Variants in ERBB4 observed in about 807,000 individuals in gnomAD.
ERBB4 encodes erb-b2 receptor tyrosine kinase 4, also known as receptor tyrosine-protein kinase erbB-4.
Under a neutral mutation model 158.0 loss-of-function variants are expected in ERBB4, and 42 were observed. The observed-to-expected ratio is 0.27, with a 90% CI of 0.21 to 0.34. The LOEUF is 0.34. Among genes scored for constraint, ERBB4 ranks in the 10% least tolerant of loss-of-function variants. ERBB4 has a pLI of 1.00. For synonymous variants in ERBB4, 583 were observed against 558.7 expected (o/e 1.04, Z -0.61); for missense variants, 1,333 against 1,624.1 (o/e 0.82, Z 3.08).
In ERBB4 at chr2:211,849,844, G is replaced by A. The variant is rs375383946; in HGVS notation, c.422-61685C>T. Among the ~76,000 whole-genome samples, 28 of 145,182 alleles carry A rather than the reference G, an allele frequency of 1.9e-4. No homozygotes were observed. The South Asian group carries it at 6.2e-3, about 32-fold the overall frequency. ...CTGCCCAGCAAAATGCAAATGAGGT[G>A]GAGAATAGCACATTTTATGCACAAA... On this transcript the variant is annotated intron_variant, in intron 3 of 27. Transcript: ENST00000342788.
rs550953364 is a variant in ERBB4 at position 211,752,488 on chromosome 2, C to G, written c.557-1784G>C. On this transcript the variant is annotated intron_variant, in intron 4 of 27. Transcript: ENST00000342788. ...TCTTTGTGGCCAGAATACTACCTAA[C>G]TGGAAAAAAAAAAAAAAGAAAAGAA... Among the ~76,000 whole-genome samples, 128 of 101,196 alleles carry G rather than the reference C, an allele frequency of 1.3e-3. 1 individual carries two copies. The Middle Eastern group carries it at 0.048, about 38-fold the overall frequency. The allele number at this position is 101,196 out of a possible 152,430, so 66.4% of individuals were successfully genotyped here.
At chr2:212,007,013 T>C (rs550562523) in intron 2 of ERBB4, among the ~76,000 whole-genome samples, 5 of 152,146 alleles carry the variant, frequency 3.3e-5, no homozygotes, top group African/African-American at 1.2e-4. Context: ...GCTGCAGATT[T>C]GCTAAAATAT....
chr2:212,345,894 A>T (rs1560075605), intron 1 of ERBB4, among the ~76,000 whole-genome samples: 1 of 152,178 alleles, frequency 6.6e-6, no homozygotes, highest in Admixed American at 6.5e-5. Flanking sequence ...CTGGAAAATG[A>T]AGGTCAGAAA....
chr2:211,888,007 T>A (rs949323177), intron 3 of ERBB4, among the ~76,000 whole-genome samples: 4 of 152,154 alleles, frequency 2.6e-5, no homozygotes, highest in Admixed American at 2.0e-4. Context: ...ATTATAACCA[T>A]CATATAAATA....
intron 5 of ERBB4, among the ~76,000 whole-genome samples, chr2:211,748,477 C>T (rs2075036793): frequency 6.6e-6 from 1 of 152,116 alleles, no homozygotes; most frequent in Non-Finnish European, 1.5e-5. Context: ...GGAGGAACAA[C>T]ACAACAGCAG....
chr2:211,693,866 C>T (rs1346279656), intron 12 of ERBB4, among the ~76,000 whole-genome samples: 1 of 152,130 alleles, frequency 6.6e-6, no homozygotes, highest in African/African-American at 2.4e-5. Flanking sequence ...CTATGGTCCT[C>T]CCCTAGCTTC....
At chr2:211,856,591 G>A (rs1306856118) in intron 3 of ERBB4, among the ~76,000 whole-genome samples, 2 of 151,868 alleles carry the variant, frequency 1.3e-5, no homozygotes, top group Non-Finnish European at 2.9e-5. Context: ...GTTTCACCGT[G>A]TTAGCCAGGA....
chr2:211,758,486 A>G (rs1046546821), intron 4 of ERBB4, among the ~76,000 whole-genome samples: 1 of 152,224 alleles, frequency 6.6e-6, no homozygotes, highest in Non-Finnish European at 1.5e-5. Flanking sequence ...AGCATTAATT[A>G]TCACTGTTTA....
chr2:212,108,820 G>T (rs1416391793), intron 2 of ERBB4, among the ~76,000 whole-genome samples: 1 of 142,748 alleles, frequency 7.0e-6, no homozygotes, highest in African/African-American at 2.7e-5. Context: ...AGAATAAAAA[G>T]ACTTTAAAGT....
chr2:211,736,060 G>C (rs1035205237), intron 5 of ERBB4, among the ~76,000 whole-genome samples: 1 of 151,910 alleles, frequency 6.6e-6, no homozygotes, highest in Non-Finnish European at 1.5e-5. Flanking sequence ...CTGCTTGGGA[G>C]GCTGAGGCAG....
rs577632673 is a variant in ERBB4, at chr2:212,123,910, T to C, written c.234+842A>G. Reference sequence around the variant, plus strand: ...CTCCTAAGAAGTTTGTAAAGGTTACTGAAAACAAGATCAAATGTATTCTAG... The same window carrying C: ...CTCCTAAGAAGTTTGTAAAGGTTACCGAAAACAAGATCAAATGTATTCTAG... On this transcript the variant is annotated intron_variant, in intron 2 of 27. Transcript: ENST00000342788. 2.0e-5 allele frequency among the ~76,000 whole-genome samples: 3 copies of C among 152,314 alleles called. No homozygotes were observed. In the South Asian group the frequency reaches 6.2e-4, roughly 32 times the overall value.
Position 211,404,457 on chromosome 2 carries a change from C to T in ERBB4, c.3135+15984G>A, listed in dbSNP as rs1449617284. On this transcript the variant is annotated intron_variant, in intron 25 of 27. Coordinates refer to ENST00000342788, the MANE Select transcript of ERBB4 (RefSeq NM_005235.3). ...CCTGCTCTCAATATAATAGAGAGAA[C>T]AGAATCTAAATGTCTATAGGTTGGA... is the stretch of plus-strand genomic sequence containing the variant. Among the ~76,000 whole-genome samples, 4 of 152,150 alleles carry T rather than the reference C, an allele frequency of 2.6e-5. No individual in the cohort carries two copies. In the East Asian group the frequency reaches 7.7e-4, roughly 29 times the overall value.
chr2:211,451,237 T>G (rs1297560839), intron 20 of ERBB4, among the ~76,000 whole-genome samples: 1 of 152,146 alleles, frequency 6.6e-6, no homozygotes, highest in Non-Finnish European at 1.5e-5. Context: ...AGAATGGCAT[T>G]GTAAGAAGAG....
intron 20 of ERBB4, among the ~76,000 whole-genome samples, chr2:211,523,453 T>C (rs375112882): frequency 6.6e-6 from 1 of 151,506 alleles, no homozygotes; most frequent in Non-Finnish European, 1.5e-5. Context: ...CGGTGGACCC[T>C]TGCGGTGAGT....
At chr2:211,888,997 T>C (rs1362593996) in intron 3 of ERBB4, among the ~76,000 whole-genome samples, 9 of 147,620 alleles carry the variant, frequency 6.1e-5, no homozygotes, top group Admixed American at 6.0e-4. Context: ...TGCCCAGGCT[T>C]GCTTAGGTAA....
At chr2:212,127,795 G>T (rs2079988140) in intron 1 of ERBB4, among the ~76,000 whole-genome samples, 1 of 152,014 alleles carries the variant, frequency 6.6e-6, no homozygotes, top group South Asian at 2.1e-4. Flanking sequence ...GAAAGGCAAA[G>T]GGTAGAGCTA....
chr2:212,401,679 T>G (rs928590284), intron 1 of ERBB4, among the ~76,000 whole-genome samples: 2 of 152,158 alleles, frequency 1.3e-5, no homozygotes, highest in Admixed American at 6.6e-5. Flanking sequence ...AACATGATGA[T>G]AAAATTATAA....
intron 20 of ERBB4, among the ~76,000 whole-genome samples, chr2:211,488,412 T>A (rs2125564523): frequency 6.6e-6 from 1 of 152,214 alleles, no homozygotes; most frequent in African/African-American, 2.4e-5. Flanking sequence ...GGAGATATTG[T>A]CCTGCTCATC....
At chr2:212,533,675 ACT>A (rs1199468299) in intron 1 of ERBB4, among the ~76,000 whole-genome samples, 1 of 152,190 alleles carries the variant, frequency 6.6e-6, no homozygotes, top group African/African-American at 2.4e-5. Context: ...TAAGGTTTTA[ACT>A]CTGACTGCCA....
Sources: allele counts gnomAD v4.1 joint callset (sites outside exome capture counted in the v4.1 genomes callset), GRCh38; gene constraint gnomAD v4.1.1; transcripts MANE v1.5; gene names NCBI Gene and HGNC (gene_info 2026-07-23, HGNC 2026-07-21).